Variants in FBN3 observed in about 807,000 individuals in gnomAD.
The protein encoded by FBN3 is fibrillin-3.
In FBN3, 234 loss-of-function variants were observed where a neutral mutation model predicts 330.1. That is an observed-to-expected ratio of 0.71 (90% confidence interval 0.64 to 0.79). The LOEUF (loss-of-function observed/expected upper bound fraction) is 0.79, where lower values mean the gene tolerates loss of function less well. Among genes scored for constraint, FBN3 ranks in the 30% least tolerant of loss-of-function variants. The pLI, the probability that FBN3 is intolerant of heterozygous loss-of-function variation, is 0.00. For missense variants in FBN3, 3,606 were observed against 3,886.9 expected (o/e 0.93, Z 1.92); for synonymous variants, 1,458 against 1,517.3 (o/e 0.96, Z 0.91).
At chr19:8,132,707 G>A (rs1257260340) in intron 14 of FBN3, among the ~76,000 whole-genome samples, 1 of 152,090 alleles carries the variant, frequency 6.6e-6, no homozygotes, top group African/African-American at 2.4e-5. Context: ...GGCCAGGCTG[G>A]TCTTGAACTC....
At chr19:8,079,465 C>T (rs1377563798) in intron 59 of FBN3, among the ~76,000 whole-genome samples, 1 of 152,052 alleles carries the variant, frequency 6.6e-6, no homozygotes, top group African/African-American at 2.4e-5. Flanking sequence ...CAAAAACAAC[C>T]ACCACCAAAC....
In FBN3 at chr19:8,147,488, C is replaced by A. The variant is rs965883251; in HGVS notation, c.-8G>T. 6.8e-7 allele frequency: 1 copy of A among 1,462,256 alleles called. No homozygotes were observed. The highest frequency in any genetic ancestry group is 9.0e-7 in the Non-Finnish European group (1 of 1,105,756). The allele number at this position is 1,462,256 out of a possible 1,614,324, so 90.6% of individuals were successfully genotyped here. A position where few individuals can be genotyped will look rare whatever the true frequency, so the allele number is the denominator to read the frequency against. On this transcript the variant is annotated 5_prime_UTR_variant, in exon 2 of 64. Transcript: ENST00000600128. ...CAGACCCTCCAGAGTCATGGCGTGT[C>A]CCCTGGAGGCTGCGGAGAGGAAGCA...
At position 8,081,049 on chromosome 19, in the gene FBN3, G is replaced by A. The variant is rs1246301125; in HGVS notation, c.7407C>T (p.Thr2469=). The A allele has an allele frequency of 2.0e-5, 32 of 1,613,442 alleles. No homozygotes were observed. The highest frequency in any genetic ancestry group is 1.9e-5 in the Non-Finnish European group (23 of 1,179,960). ...FLCVNTVGAF[T]CRCPPGFTQH... ...GGGTGAAGCCGGGCGGACAGCGGCA[G>A]GTGAAGGCGCCCACAGTGTTGACAC... The change falls in exon 59 of 64, where the codon ACC becomes ACT. Residue 2469 remains threonine, a synonymous_variant. Transcript: ENST00000600128.
chr19:8,108,619 C>G (rs899207), intron 36 of FBN3, among the ~76,000 whole-genome samples: 13 of 152,000 alleles, frequency 8.6e-5, no homozygotes, highest in African/African-American at 3.1e-4. Flanking sequence ...CATTCACACA[C>G]GCATACACCT....
At chr19:8,128,432 C>T (rs530153818) in intron 18 of FBN3, among the ~76,000 whole-genome samples, 4 of 151,964 alleles carry the variant, frequency 2.6e-5, no homozygotes, top group Non-Finnish European at 4.4e-5. Flanking sequence ...GGCTTGGTGA[C>T]GGACGCCTGT....
intron 41 of FBN3, among the ~76,000 whole-genome samples, chr19:8,098,678 C>T (rs11260055): frequency 0.89 from 123,897 of 139,922 alleles, 57,134 homozygotes; most frequent in Non-Finnish European, 1. Flanking sequence ...TAAACTTATA[C>T]TGAGGTGATG....
chr19:8,128,989 T>C, intron 18 of FBN3, 39 bp downstream of exon 18: 1 of 1,588,224 alleles, frequency 6.3e-7, no homozygotes, highest in Non-Finnish European at 8.6e-7. Flanking sequence ...TTGGAGCATA[T>C]GTGTGTGTGC....
chr19:8,144,469 T>A (rs1465399123), intron 6 of FBN3, among the ~76,000 whole-genome samples: 2 of 151,812 alleles, frequency 1.3e-5, no homozygotes, highest in African/African-American at 4.8e-5. Flanking sequence ...CCCTACCAGA[T>A]CCAGCTGAGG....
Position 8,096,721 on chromosome 19 carries a change from C to G in FBN3, c.5414-152G>C. The G allele has an allele frequency of 7.6e-7, 1 of 1,313,472 alleles. No homozygotes were observed. Among genetic ancestry groups the G allele is most frequent in the Admixed American group, 2.1e-5 (1 of 48,172 alleles). 81.4% of individuals were successfully genotyped at this position (1,313,472 alleles called of 1,614,324 possible). On this transcript the variant is annotated intron_variant, in intron 43 of 63. Coordinates refer to ENST00000600128, the MANE Select transcript of FBN3 (RefSeq NM_032447.5). The surrounding 1 kb of genome is among the most constrained non-coding windows in gnomAD (Gnocchi z 4.6). ...CAGGCTGTCTGCATGGACCTGAGCT[C>G]TCACCTCTATCACATCCTATTAACA...
chr19:8,119,478 C>T (rs1470820746), intron 25 of FBN3, among the ~76,000 whole-genome samples: 2 of 152,246 alleles, frequency 1.3e-5, no homozygotes, highest in Non-Finnish European at 2.9e-5. Context: ...GTGTCTTCAC[C>T]CTTTTCACCC....
Position 8,141,728 on chromosome 19 carries a change from G to A in FBN3, c.854C>T (p.Ala285Val), listed in dbSNP as rs754636308. The change falls in exon 8 of 64, where the codon GCC (alanine) becomes GTC (valine). Residue 285 changes from alanine (A) to valine (V), a missense_variant. Coordinates refer to ENST00000600128, the MANE Select transcript of FBN3 (RefSeq NM_032447.5). ...PVGHRLSDSS[A>V]ACEDYRAGAC... ...CTCCAGTCACCCACCTTCACATGCG[G>A]CGCTGCTGTCACTGAGCCGGTGTCC... 6.2e-7 allele frequency: 1 copy of A among 1,613,534 alleles called. No individual in the cohort carries two copies. Among genetic ancestry groups the A allele is most frequent in the South Asian group, 1.1e-5 (1 of 91,000 alleles).
At chr19:8,135,936 G>GGGGGGGGGGGGGGGGGGGCGGGCCCCCC in intron 13 of FBN3, 25 bp downstream of exon 13, 2 of 668,778 alleles carry the variant, frequency 3.0e-6, no homozygotes, top group Non-Finnish European at 4.8e-6. Flanking sequence ...GGAAGCCCCT[G>GGGGGGGGGGGGGGGGGGGCGGGCCCCCC]CCCACCCGCC....
chr19:8,137,593 A>G (rs1033503660), intron 10 of FBN3, among the ~76,000 whole-genome samples: 18 of 147,370 alleles, frequency 1.2e-4, no homozygotes, highest in African/African-American at 4.6e-4. Flanking sequence ...CTCCCCACCC[A>G]AAGCCCGAAC....
At chr19:8,106,732 G>T (rs1368108240) in intron 37 of FBN3, among the ~76,000 whole-genome samples, 1 of 39,954 alleles carries the variant, frequency 2.5e-5, no homozygotes, top group Non-Finnish European at 6.1e-5. Context: ...TGGATAAGTG[G>T]ATGGATGGAT....
chr19:8,123,110 T>C (rs527989766), intron 24 of FBN3, among the ~76,000 whole-genome samples: 2 of 151,604 alleles, frequency 1.3e-5, no homozygotes, highest in South Asian at 2.1e-4. Flanking sequence ...TCCCAGCACT[T>C]TGGGAGGCCG....
At chr19:8,104,877 CTTTCT>C (rs1274775206) in intron 38 of FBN3, among the ~76,000 whole-genome samples, 4 of 151,950 alleles carry the variant, frequency 2.6e-5, no homozygotes, top group South Asian at 2.1e-4. Context: ...TTTTATATAA[CTTTCT>C]TTTCTTTTCT....
Position 8,089,627 on chromosome 19 carries a change from G to A in FBN3, c.6294C>T (p.Gly2098=), listed in dbSNP as rs1568378041. The part of the protein sequence containing the change: ...CAENPGVCTN[G]VCVNTDGSFR... ...AGGATCCATCGGTGTTGACACAGAC[G>A]CCGTTAGTGCAGACGCCAGGGTTCT... The change falls in exon 51 of 64, where the codon GGC becomes GGT. Residue 2098 remains glycine, a synonymous_variant. Transcript: ENST00000600128. 4 of 1,614,188 alleles carry A rather than the reference G, an allele frequency of 2.5e-6. No individual in the cohort carries two copies. Among genetic ancestry groups the A allele is most frequent in the Non-Finnish European group, 3.4e-6 (4 of 1,180,022 alleles).
In FBN3 at chr19:8,104,949, CTCTT is replaced by C. The variant is rs913179961; in HGVS notation, c.4813+1155_4813+1158del. ...TCTCTTTCTTTCTCTCTCTTTCTCT[CTCTT>C]TCTTTCTTTTATTTTTTTTGAGACA... On this transcript the variant is annotated intron_variant, in intron 38 of 63. Coordinates refer to ENST00000600128, the MANE Select transcript of FBN3 (RefSeq NM_032447.5). Among the ~76,000 whole-genome samples the C allele has an allele frequency of 6.0e-5, 9 of 150,488 alleles. No homozygotes were observed. The South Asian group carries it at 6.3e-4, about 11-fold the overall frequency.
intron 46 of FBN3, 97 bp downstream of exon 46, chr19:8,095,278 T>G: frequency 8.0e-7 from 1 of 1,247,480 alleles, no homozygotes; most frequent in Non-Finnish European, 1.1e-6. Context: ...AATGCTTGGG[T>G]AGTAAATGGA....
Sources: allele counts gnomAD v4.1 joint callset (sites outside exome capture counted in the v4.1 genomes callset), GRCh38; gene constraint gnomAD v4.1.1; non-coding constraint Gnocchi (gnomAD v3.1); transcripts MANE v1.5; gene names NCBI Gene and HGNC (gene_info 2026-07-23, HGNC 2026-07-21).